Variants in HGSNAT observed in about 807,000 individuals in gnomAD.
HGSNAT encodes the protein heparan-alpha-glucosaminide N-acetyltransferase, also known as transmembrane protein 76.
In HGSNAT, 59 loss-of-function variants were observed where a neutral mutation model predicts 85.2. That is an observed-to-expected ratio of 0.69 (90% confidence interval 0.56 to 0.86). The LOEUF is 0.86. Among genes scored for constraint, HGSNAT ranks in the 40% least tolerant of loss-of-function variants. The pLI, the probability that HGSNAT is intolerant of heterozygous loss-of-function variation, is 0.00. For synonymous variants in HGSNAT, 321 were observed against 304.5 expected (o/e 1.05, Z -0.56); for missense variants, 756 against 777.1 (o/e 0.97, Z 0.32).
At chr8:43,166,520 G>GACAGCACATCTGTTT (rs1803441301) in intron 5 of HGSNAT, among the ~76,000 whole-genome samples, 1 of 152,208 alleles carries the variant, frequency 6.6e-6, no homozygotes, top group Non-Finnish European at 1.5e-5. Flanking sequence ...AAGCCTGGAT[G>GACAGCACATCTGTTT]ACAGCACATC....
At chr8:43,150,727 G>A (rs1011989703) in intron 2 of HGSNAT, among the ~76,000 whole-genome samples, 3 of 151,978 alleles carry the variant, frequency 2.0e-5, no homozygotes, top group Non-Finnish European at 4.4e-5. Context: ...CCAGCTACTC[G>A]GGAGGCTGAG....
rs1804938288 is a variant in HGSNAT at position 43,202,231 on chromosome 8, C to T, written c.*2662C>T. 1.3e-5 allele frequency: 2 copies of T among 152,470 alleles called. No individual in the cohort carries two copies. The highest frequency in any genetic ancestry group is 4.8e-5 in the African/African-American group (2 of 41,458). The allele number at this position is 152,470 out of a possible 1,614,324, so 9.4% of individuals were successfully genotyped here. On this transcript the variant is annotated 3_prime_UTR_variant, in exon 18 of 18. Coordinates refer to ENST00000379644, the MANE Select transcript of HGSNAT (RefSeq NM_152419.3). ...GTGCTCGACACCAGGCATCCCCTCTCCTCCCACGAAGGGTGTGCCATAATC... is the reference window on the plus strand; with the variant it reads ...GTGCTCGACACCAGGCATCCCCTCTTCTCCCACGAAGGGTGTGCCATAATC...
At position 43,169,482 on chromosome 8, in the gene HGSNAT, T is replaced by G. The variant is rs4272427; in HGVS notation, c.633+240T>G. ...ATCAGGATACCTGAGGTAGAGACAT[T>G]TTTCACTCTGCAGGCAGCATTGTTG... On this transcript the variant is annotated intron_variant, in intron 6 of 17. Coordinates refer to ENST00000379644, the MANE Select transcript of HGSNAT (RefSeq NM_152419.3). 0.76 allele frequency among the ~76,000 whole-genome samples: 115,855 copies of G among 152,176 alleles called. 46,604 individuals carry two copies. The highest frequency in any genetic ancestry group is 0.9 in the Non-Finnish European group (61,071 of 68,022).
chr8:43,160,489 T>G (rs1803235613), intron 4 of HGSNAT, among the ~76,000 whole-genome samples: 1 of 152,218 alleles, frequency 6.6e-6, no homozygotes, highest in Non-Finnish European at 1.5e-5. Flanking sequence ...CATATGACAT[T>G]GTGTTTATAT....
intron 1 of HGSNAT, among the ~76,000 whole-genome samples, chr8:43,146,741 A>G (rs1244370655): frequency 6.6e-6 from 1 of 151,710 alleles, no homozygotes; most frequent in African/African-American, 2.4e-5. Flanking sequence ...GTGCACATGC[A>G]TGCATGTGTG....
At chr8:43,186,299 T>C (rs1804307101) in intron 11 of HGSNAT, among the ~76,000 whole-genome samples, 1 of 152,212 alleles carries the variant, frequency 6.6e-6, no homozygotes, top group Non-Finnish European at 1.5e-5. Context: ...CTATTAATTA[T>C]TGCTTCAATT....
intron 14 of HGSNAT, chr8:43,194,397 CAAAAAA>C (rs1359457882): frequency 1.0e-6 from 1 of 984,806 alleles, no homozygotes; most frequent in Non-Finnish European, 1.2e-6. Context: ...GACCCTGTCT[CAAAAAA>C]GAAAAAAAGG....
intron 8 of HGSNAT, among the ~76,000 whole-genome samples, chr8:43,173,491 G>T (rs1304579439): frequency 6.6e-6 from 1 of 151,958 alleles, no homozygotes; most frequent in Non-Finnish European, 1.5e-5. Context: ...TGTATTTTTA[G>T]TAGAGACGGA....
intron 12 of HGSNAT, among the ~76,000 whole-genome samples, chr8:43,191,927 G>GTT (rs139380930): frequency 6.7e-6 from 1 of 149,864 alleles, no homozygotes; most frequent in African/African-American, 2.4e-5. Context: ...TATAAACCAT[G>GTT]TTTTTTTTTT....
At chr8:43,169,147 T>A (rs1292616564) in intron 5 of HGSNAT, 26 bp from the exon 6 acceptor site, 11 of 1,414,210 alleles carry the variant, frequency 7.8e-6, no homozygotes, top group African/African-American at 2.9e-5. Context: ...GAAAATAAAT[T>A]AATTGAGCCC....
intron 16 of HGSNAT, 36 bp from the exon 17 acceptor site, chr8:43,197,804 G>T (rs769609084): frequency 5.0e-6 from 8 of 1,599,482 alleles, no homozygotes; most frequent in Non-Finnish European, 4.3e-6. Context: ...GATTTGTTCC[G>T]TACGAGCACT....
chr8:43,155,645 T>G (rs1803067896), intron 2 of HGSNAT, among the ~76,000 whole-genome samples: 1 of 152,186 alleles, frequency 6.6e-6, no homozygotes, highest in African/African-American at 2.4e-5. Context: ...TATGCACCAG[T>G]GTCATGCAAT....
intron 9 of HGSNAT, among the ~76,000 whole-genome samples, chr8:43,176,195 C>A (rs1240096889): frequency 6.6e-6 from 1 of 152,080 alleles, no homozygotes; most frequent in Non-Finnish European, 1.5e-5. Flanking sequence ...AAGTTTAAGT[C>A]TTTAATCCAT....
At chr8:43,175,557 CTTTTTTTTTT>C (rs572939859) in intron 9 of HGSNAT, among the ~76,000 whole-genome samples, 2 of 63,128 alleles carry the variant, frequency 3.2e-5, no homozygotes, top group African/African-American at 6.3e-5. Flanking sequence ...CTTTTGTCCT[CTTTTTTTTTT>C]TTTTTTTTTT....
chr8:43,142,867 T>C (rs923691076), intron 1 of HGSNAT, among the ~76,000 whole-genome samples: 5 of 152,216 alleles, frequency 3.3e-5, no homozygotes, highest in African/African-American at 1.2e-4. Flanking sequence ...ACAAGTACCT[T>C]ATTCCGCCCA....
At chr8:43,199,307 A>G in intron 17 of HGSNAT, 81 bp from the exon 18 acceptor site, 2 of 1,024,264 alleles carry the variant, frequency 2.0e-6, no homozygotes, top group Non-Finnish European at 2.8e-6. Context: ...TTTTCATTGA[A>G]CTGGTTTCAA....
chr8:43,148,756 G>A (rs1802795533), intron 2 of HGSNAT, among the ~76,000 whole-genome samples: 1 of 149,192 alleles, frequency 6.7e-6, no homozygotes, highest in African/African-American at 2.5e-5. Flanking sequence ...TCGCACCATT[G>A]CACTCTAACC....
At chr8:43,197,311 G>T (rs1804757793) in intron 15 of HGSNAT, 1 of 538,258 alleles carries the variant, frequency 1.9e-6, no homozygotes, top group East Asian at 3.1e-5. Flanking sequence ...GTATCAGAGA[G>T]ACTGGGCAAA....
chr8:43,173,628 C>A (rs1367446898), intron 8 of HGSNAT, 85 bp from the exon 9 acceptor site: 3 of 1,417,150 alleles, frequency 2.1e-6, no homozygotes. Context: ...ACTTTCTATA[C>A]CAGTGTGTAA....
Sources: gnomAD v4.1 joint callset for allele counts (sites outside exome capture counted in the v4.1 genomes callset) on GRCh38, gnomAD v4.1.1 for gene constraint, MANE v1.5 for transcripts, NCBI Gene and HGNC (gene_info 2026-07-23, HGNC 2026-07-21) for gene names.